BRI3BP: variants seen among roughly 807,000 people sequenced by gnomAD.
BRI3BP encodes the protein BRI3 binding protein.
A neutral mutation model predicts 15.8 loss-of-function variants in BRI3BP; 7 were observed. That is an observed-to-expected ratio of 0.44 (90% CI 0.25 to 0.83). The LOEUF (loss-of-function observed/expected upper bound fraction) is 0.83. Ranked by LOEUF, BRI3BP falls within the 40% of genes least tolerant of loss-of-function variation. BRI3BP has a pLI of 0.20. For missense variants in BRI3BP, 320 were observed against 339.3 expected (o/e 0.94, Z 0.45); for synonymous variants, 192 against 163.5 (o/e 1.17, Z -1.33).
At chr12:125,023,505 C>A (rs1955319012) in intron 2 of BRI3BP, among the ~76,000 whole-genome samples, 1 of 152,164 alleles carries the variant, frequency 6.6e-6, no homozygotes, top group South Asian at 2.1e-4. Context: ...AATTGAAGGA[C>A]AATTTGCAGG....
intron 1 of BRI3BP, among the ~76,000 whole-genome samples, chr12:124,997,055 G>A (rs1016019562): frequency 4.0e-5 from 6 of 150,914 alleles, no homozygotes; most frequent in Non-Finnish European, 8.9e-5. Flanking sequence ...CACCGTGCCC[G>A]GCCTCCCATA....
intron 1 of BRI3BP, among the ~76,000 whole-genome samples, chr12:125,002,820 A>G (rs1299132860): frequency 6.6e-6 from 1 of 152,140 alleles, no homozygotes; most frequent in East Asian, 1.9e-4. Context: ...CCTCCGGGTT[A>G]GGCTCAGACT....
downstream of BRI3BP, among the ~76,000 whole-genome samples, chr12:125,034,737 C>G (rs1433841867): frequency 6.6e-6 from 1 of 151,984 alleles, no homozygotes; most frequent in East Asian, 1.9e-4. Flanking sequence ...CTACAGGCGC[C>G]TGCCACCACG....
chr12:125,021,844 G>A (rs1357856474), intron 2 of BRI3BP, among the ~76,000 whole-genome samples: 1 of 152,088 alleles, frequency 6.6e-6, no homozygotes, highest in Non-Finnish European at 1.5e-5. Flanking sequence ...TCCCTCCCTG[G>A]ACACGTGGGG....
the BRI3BP span, among the ~76,000 whole-genome samples, chr12:125,036,627 C>T: frequency 6.6e-6 from 1 of 152,076 alleles, no homozygotes; most frequent in Non-Finnish European, 1.5e-5. Flanking sequence ...CATGCAAGTC[C>T]CTTGTAGAAT....
At chr12:124,998,268 G>C (rs2135986059) in intron 1 of BRI3BP, among the ~76,000 whole-genome samples, 1 of 152,210 alleles carries the variant, frequency 6.6e-6, no homozygotes, top group African/African-American at 2.4e-5. Context: ...CTCAAGCCGG[G>C]GGAACAGAGA....
chr12:125,037,684 C>T, the BRI3BP span, among the ~76,000 whole-genome samples: 110 of 151,818 alleles, frequency 7.2e-4, no homozygotes, highest in African/African-American at 2.5e-3. Flanking sequence ...TGTTACTGTG[C>T]GCCTGTAATC....
At chr12:125,036,359 G>A in the BRI3BP span, among the ~76,000 whole-genome samples, 19 of 150,810 alleles carry the variant, frequency 1.3e-4, no homozygotes, top group African/African-American at 4.9e-5. Context: ...CACCGCACCC[G>A]GCCTAATTTT....
At chr12:125,034,036 C>A (rs1387713303), downstream of BRI3BP, among the ~76,000 whole-genome samples, 11 of 134,986 alleles carry the variant, frequency 8.1e-5, no homozygotes, top group East Asian at 2.5e-3. Context: ...GAGCCACCAC[C>A]CAGGCTGTTT....
chr12:125,043,109 A>G, the BRI3BP span, among the ~76,000 whole-genome samples: 62 of 151,832 alleles, frequency 4.1e-4, no homozygotes, highest in Non-Finnish European at 7.8e-4. Context: ...TGTTTCAGCT[A>G]TGAGGCAGTG....
At chr12:125,008,187 A>G (rs1258395045) in intron 1 of BRI3BP, among the ~76,000 whole-genome samples, 3 of 151,544 alleles carry the variant, frequency 2.0e-5, no homozygotes, top group African/African-American at 7.3e-5. Context: ...GAATCTCTGG[A>G]AGACCTCTTC....
rs1325593610 is a variant in BRI3BP, at chr12:125,028,308, G to A, written c.*2878G>A. 1 of 152,176 alleles carries A rather than the reference G, an allele frequency of 6.6e-6. No individual in the cohort carries two copies. The highest frequency in any genetic ancestry group is 2.4e-5 in the African/African-American group (1 of 41,432). 9.4% of individuals were successfully genotyped at this position (152,176 alleles called of 1,614,324 possible). On this transcript the variant is annotated 3_prime_UTR_variant, in exon 3 of 3. Transcript: ENST00000341446. Reference sequence around the variant, plus strand: ...TAAGGCTTAAGCTGTCACTGGGCTGGGTGTAATACCCGCTTCATTCCTCCT... The same window carrying A: ...TAAGGCTTAAGCTGTCACTGGGCTGAGTGTAATACCCGCTTCATTCCTCCT...
In BRI3BP at chr12:124,993,724, G is replaced by A. The variant is rs865916046; in HGVS notation, c.-67G>A. On this transcript the variant is annotated 5_prime_UTR_variant, in exon 1 of 3. Coordinates refer to ENST00000341446, the MANE Select transcript of BRI3BP (RefSeq NM_080626.6). Reference sequence around the variant, plus strand: ...CGAGCGCGCCAACCTTGCCCTAGCCGGAGCCCGCTGCGGCCCAGCGCACGG... The same window carrying A: ...CGAGCGCGCCAACCTTGCCCTAGCCAGAGCCCGCTGCGGCCCAGCGCACGG... The A allele has an allele frequency of 2.9e-3, 2,608 of 913,258 alleles. 3 individuals are homozygous for A. The highest frequency in any genetic ancestry group is 3.2e-3 in the Non-Finnish European group (2,476 of 765,232). 56.6% of individuals were successfully genotyped at this position (913,258 alleles called of 1,614,324 possible). A position where few individuals can be genotyped will look rare whatever the true frequency, so the allele number is the denominator to read the frequency against.
chr12:125,041,927 A>G, the BRI3BP span, among the ~76,000 whole-genome samples: 32 of 152,134 alleles, frequency 2.1e-4, no homozygotes, highest in Admixed American at 3.9e-4. Context: ...CTCCTGGGCT[A>G]AAGCGATCCT....
chr12:125,033,749 GTT>G (rs112871732), downstream of BRI3BP, among the ~76,000 whole-genome samples: 39,902 of 144,858 alleles, frequency 0.28, 5,565 homozygotes, highest in African/African-American at 0.36. Context: ...GTTTTTTTTT[GTT>G]TTTTTTTTTG....
the BRI3BP span, among the ~76,000 whole-genome samples, chr12:125,044,501 G>A: frequency 6.7e-6 from 1 of 150,352 alleles, no homozygotes; most frequent in African/African-American, 2.4e-5. Flanking sequence ...CCAGACTGGA[G>A]TGTAGTGCTC....
chr12:125,036,101 G>A (rs75211593), downstream of BRI3BP, among the ~76,000 whole-genome samples: 10 of 54,302 alleles, frequency 1.8e-4, no homozygotes, highest in East Asian at 2.7e-3. Context: ...AGTTTTGCTC[G>A]TCACCAAGGC....
chr12:125,047,676 C>T, the BRI3BP span, among the ~76,000 whole-genome samples: 5 of 151,692 alleles, frequency 3.3e-5, no homozygotes, highest in African/African-American at 7.2e-5. Flanking sequence ...ATGCCCAGCC[C>T]GTTTTATACA....
Position 124,993,835 on chromosome 12 carries a change from CCTGCTGCTGCTGCTG to C in BRI3BP, c.60_74del (p.Leu21_Leu25del), listed in dbSNP as rs61379857. Reference sequence around the variant, plus strand: ...GCGGGCCCCTGGCCCGGGCCGGGCTCCTGCTGCTGCTGCTGCTGCTGCTGCTGCTCGGGCTGCTGG... The same window carrying C: ...GCGGGCCCCTGGCCCGGGCCGGGCTCCTGCTGCTGCTGCTCGGGCTGCTGG... On this transcript the variant is annotated inframe_deletion, in exon 1 of 3. Coordinates refer to ENST00000341446, the MANE Select transcript of BRI3BP (RefSeq NM_080626.6). 4 of 1,148,736 alleles carry C rather than the reference CCTGCTGCTGCTGCTG, an allele frequency of 3.5e-6. No homozygotes were observed. Among genetic ancestry groups the C allele is most frequent in the South Asian group, 3.4e-5 (1 of 29,580 alleles). 71.2% of individuals were successfully genotyped at this position (1,148,736 alleles called of 1,614,324 possible). A position where few individuals can be genotyped will look rare whatever the true frequency, so the allele number is the denominator to read the frequency against.
Sources: allele counts gnomAD v4.1 joint callset (sites outside exome capture counted in the v4.1 genomes callset), GRCh38; gene constraint gnomAD v4.1.1; transcripts MANE v1.5; gene names NCBI Gene and HGNC (gene_info 2026-07-23, HGNC 2026-07-21).